Variants in KIN observed in about 807,000 individuals in gnomAD.
KIN encodes the protein DNA/RNA-binding protein KIN17.
Under a neutral mutation model 63.0 loss-of-function variants are expected in KIN, and 47 were observed. That is an observed-to-expected ratio of 0.75 (90% CI 0.59 to 0.95). The LOEUF (loss-of-function observed/expected upper bound fraction) is 0.95. Ranked by LOEUF, KIN falls within the 40% of genes least tolerant of loss-of-function variation. The probability of loss-of-function intolerance (pLI) is 0.00; values close to 1 mark genes in which losing one functional copy is unlikely to be tolerated. For synonymous variants in KIN, 160 were observed against 157.7 expected, an observed-to-expected ratio of 1.01 and a Z score of -0.11; for missense variants, 408 against 460.9, an observed-to-expected ratio of 0.89 and a Z score of 1.05.
chr10:7,763,795 G>A lies in KIN; in HGVS notation c.850-4C>T. 1 of 1,244,678 alleles carries A rather than the reference G, an allele frequency of 8.0e-7. No homozygotes were observed. Among genetic ancestry groups the A allele is most frequent in the South Asian group, 1.3e-5 (1 of 76,714 alleles). The allele number at this position is 1,244,678 out of a possible 1,614,324, so 77.1% of individuals were successfully genotyped here. ...TTATAATTTTCACAATAATTTCCTA[G>A]AAAATAATAACAAAAAAAATGAAAG... is the stretch of plus-strand genomic sequence containing the variant. On this transcript the variant is annotated splice_region_variant and splice_polypyrimidine_tract_variant and intron_variant, in intron 9 of 12. Coordinates refer to ENST00000379562, the MANE Select transcript of KIN (RefSeq NM_012311.4).
intron 11 of KIN, among the ~76,000 whole-genome samples, 161 bp from the exon 12 acceptor site, chr10:7,760,151 C>T (rs565859336): frequency 8.5e-5 from 13 of 152,162 alleles, no homozygotes; most frequent in African/African-American, 2.2e-4. Context: ...TATTTTAGTG[C>T]GGTGTATGGA....
intron 9 of KIN, among the ~76,000 whole-genome samples, chr10:7,765,159 CAAAAAAA>C (rs35343111): frequency 4.3e-5 from 4 of 93,304 alleles, no homozygotes; most frequent in African/African-American, 1.2e-4. Context: ...AACTCCATCT[CAAAAAAA>C]AAAAAAAAAA....
intron 2 of KIN, among the ~76,000 whole-genome samples, chr10:7,781,567 A>G (rs1034199578): frequency 1.2e-4 from 17 of 139,760 alleles, no homozygotes; most frequent in African/African-American, 4.7e-4. Flanking sequence ...AGCCTGGGCA[A>G]CAAAGTGAGA....
At chr10:7,778,786 T>C in intron 5 of KIN, 52 bp downstream of exon 5, 1 of 1,538,582 alleles carries the variant, frequency 6.5e-7, no homozygotes, top group Non-Finnish European at 8.9e-7. Flanking sequence ...CAAGCCATTG[T>C]GCTTCTTTAG....
intron 8 of KIN, among the ~76,000 whole-genome samples, chr10:7,767,315 G>A (rs1367709010): frequency 6.6e-6 from 1 of 151,944 alleles, no homozygotes; most frequent in South Asian, 2.1e-4. Flanking sequence ...CTCCCCAGGC[G>A]CTACCCTCAT....
intron 1 of KIN, among the ~76,000 whole-genome samples, chr10:7,784,737 A>G (rs1835964841): frequency 1.3e-5 from 2 of 152,218 alleles, no homozygotes; most frequent in Non-Finnish European, 2.9e-5. Flanking sequence ...TAACTGACTC[A>G]GGCAAGGATG....
Position 7,783,214 on chromosome 10 carries a change from C to A in KIN, c.115-39G>T, listed in dbSNP as rs748782269. 5.2e-6 allele frequency: 6 copies of A among 1,155,416 alleles called. 1 individual carries two copies. Among genetic ancestry groups the A allele is most frequent in the Middle Eastern group, 4.1e-4 (2 of 4,892 alleles). 71.6% of individuals were successfully genotyped at this position (1,155,416 alleles called of 1,614,324 possible). A position where few individuals can be genotyped will look rare whatever the true frequency, so the allele number is the denominator to read the frequency against. On this transcript the variant is annotated intron_variant, in intron 1 of 12. Coordinates refer to ENST00000379562, the MANE Select transcript of KIN (RefSeq NM_012311.4). ...AAAAGCAATAAATTCTGATTTAGGTCATCAAAATGGGCTCTAAATAGAAGT... is the reference window on the plus strand; with the variant it reads ...AAAAGCAATAAATTCTGATTTAGGTAATCAAAATGGGCTCTAAATAGAAGT...
At chr10:7,777,900 C>T (rs1176617255) in intron 5 of KIN, among the ~76,000 whole-genome samples, 2 of 148,824 alleles carry the variant, frequency 1.3e-5, no homozygotes, top group African/African-American at 2.5e-5. Flanking sequence ...CTCCGTCCCC[C>T]CCCCAAAAAA....
intron 8 of KIN, among the ~76,000 whole-genome samples, chr10:7,767,882 A>G (rs1183489111): frequency 1.4e-4 from 22 of 151,844 alleles, no homozygotes; most frequent in Admixed American, 1.4e-3. Flanking sequence ...AAAAAAAAAA[A>G]AAGACTGGAC....
chr10:7,783,095 C>T lies in KIN; in HGVS notation c.195G>A (p.Met65Ile). The T allele has an allele frequency of 1.3e-6, 2 of 1,589,908 alleles. No individual in the cohort carries two copies. Among genetic ancestry groups the T allele is most frequent in the African/African-American group, 1.3e-5 (1 of 74,242 alleles). The change falls in exon 2 of 13, where the codon ATG becomes ATA. Residue 65 changes from methionine to isoleucine, a missense_variant. Met to Ile is a conservative substitution (Grantham distance 10). Coordinates refer to ENST00000379562, the MANE Select transcript of KIN (RefSeq NM_012311.4). ...LLASENPQQF[M>I]DYFSEEFRND... Reference sequence around the variant, plus strand: ...GAGTTACTTACTCTGAAAAATAATCCATAAACTGCTGAGGATTTTCTGAAG... The same window carrying T: ...GAGTTACTTACTCTGAAAAATAATCTATAAACTGCTGAGGATTTTCTGAAG...
rs1835290342 is a variant in KIN, at chr10:7,754,342, A to C, written c.*1738T>G. The C allele has an allele frequency of 3.7e-6, 1 of 270,910 alleles. No homozygotes were observed. Among genetic ancestry groups the C allele is most frequent in the Non-Finnish European group, 7.4e-6 (1 of 134,370 alleles). 16.8% of individuals were successfully genotyped at this position (270,910 alleles called of 1,614,324 possible). A position where few individuals can be genotyped will look rare whatever the true frequency, so the allele number is the denominator to read the frequency against. On this transcript the variant is annotated 3_prime_UTR_variant, in exon 13 of 13. Transcript: ENST00000379562. ...AGAGCAAGACCCTATCTCAAAAAAC[A>C]GAACAAAAAAAAAGAGGCGTAGTGG...
intron 9 of KIN, among the ~76,000 whole-genome samples, chr10:7,764,769 A>T (rs1835505104): frequency 6.6e-6 from 1 of 152,168 alleles, no homozygotes; most frequent in Admixed American, 6.5e-5. Flanking sequence ...ATGGGTTCAC[A>T]CTCTAGTAAT....
At chr10:7,778,152 C>T (rs1374291777) in intron 5 of KIN, among the ~76,000 whole-genome samples, 2 of 152,182 alleles carry the variant, frequency 1.3e-5, no homozygotes, top group African/African-American at 4.8e-5. Context: ...CTGTCCTCCC[C>T]AGGCCAGAGT....
rs750211643 is a variant in KIN at position 7,783,188 on chromosome 10, T to C, written c.115-13A>G. On this transcript the variant is annotated splice_polypyrimidine_tract_variant and intron_variant, in intron 1 of 12. Transcript: ENST00000379562. The stretch of plus-strand genomic sequence containing the variant: ...ACTTAAAGCCATTCTACAAAAAATG[T>C]AAAAGCAATAAATTCTGATTTAGGT... 3.3e-6 allele frequency: 5 copies of C among 1,492,630 alleles called. No individual in the cohort carries two copies. In the Admixed American group the frequency reaches 9.6e-5, roughly 29 times the overall value. 92.5% of individuals were successfully genotyped at this position (1,492,630 alleles called of 1,614,324 possible).
At chr10:7,779,058 C>A in intron 4 of KIN, 39 bp from the exon 5 acceptor site, 1 of 1,580,506 alleles carries the variant, frequency 6.3e-7, no homozygotes, top group South Asian at 1.2e-5. Context: ...AGCATACAAT[C>A]AAAGCAAAAC....
chr10:7,777,434 C>A (rs1395178258), intron 5 of KIN, among the ~76,000 whole-genome samples: 1 of 152,074 alleles, frequency 6.6e-6, no homozygotes, highest in Non-Finnish European at 1.5e-5. Context: ...TTCTGTCACT[C>A]TTTCTACACA....
chr10:7,769,734 C>G (rs1835628502), intron 7 of KIN, among the ~76,000 whole-genome samples: 1 of 152,142 alleles, frequency 6.6e-6, no homozygotes, highest in Non-Finnish European at 1.5e-5. Context: ...GTTCACTTTC[C>G]TAAGCCTCAA....
At chr10:7,772,590 T>G (rs1835688527) in intron 7 of KIN, among the ~76,000 whole-genome samples, 1 of 152,178 alleles carries the variant, frequency 6.6e-6, no homozygotes, top group South Asian at 2.1e-4. Flanking sequence ...ATATAAGAGA[T>G]ATAAATGCAC....
In KIN at chr10:7,753,207, T is replaced by C. The variant is rs1835270354; in HGVS notation, c.*2873A>G. Reference sequence around the variant, plus strand: ...AAAACTACTGTGAAGTCTATAATCGTATTTTTATGCTTCAGATATTTTTTA... The same window carrying C: ...AAAACTACTGTGAAGTCTATAATCGCATTTTTATGCTTCAGATATTTTTTA... On this transcript the variant is annotated 3_prime_UTR_variant, in exon 13 of 13. Coordinates refer to ENST00000379562, the MANE Select transcript of KIN (RefSeq NM_012311.4). 6.6e-6 allele frequency: 1 copy of C among 152,256 alleles called. No individual in the cohort carries two copies. Among genetic ancestry groups the C allele is most frequent in the Non-Finnish European group, 1.5e-5 (1 of 68,046 alleles). 9.4% of individuals were successfully genotyped at this position (152,256 alleles called of 1,614,324 possible).
Sources: allele counts gnomAD v4.1 joint callset (sites outside exome capture counted in the v4.1 genomes callset), GRCh38; gene constraint gnomAD v4.1.1; transcripts MANE v1.5; gene names NCBI Gene and HGNC (gene_info 2026-07-23, HGNC 2026-07-21).